The following SDK1 variants were observed in gnomAD, a reference collection of about 807,000 sequenced individuals.
SDK1 encodes the protein protein sidekick-1.
Under a neutral mutation model 245.5 loss-of-function variants are expected in SDK1, and 157 were observed. The observed-to-expected ratio is 0.64, with a 90% CI of 0.56 to 0.73. The LOEUF (loss-of-function observed/expected upper bound fraction) is 0.73, where lower values mean the gene tolerates loss of function less well. Ranked by LOEUF, SDK1 falls within the 30% of genes least tolerant of loss-of-function variation. The pLI, the probability that SDK1 is intolerant of heterozygous loss-of-function variation, is 0.00. For synonymous variants in SDK1, 1,647 were observed against 1,278.5 expected (o/e 1.29, Z -6.15); for missense variants, 3,583 against 3,002.3 (o/e 1.19, Z -4.52).
At position 4,234,764 on chromosome 7, in the gene SDK1, G is replaced by A. The variant is rs585834; in HGVS notation, c.5992+1345G>A. On this transcript the variant is annotated intron_variant, in intron 41 of 44. Transcript: ENST00000404826. ...TTCTTTACCCCGCGATGATTCTATC[G>A]TGCAGACCGGCTGCAAGCCAGGGCG... is the stretch of plus-strand genomic sequence containing the variant. Among the ~76,000 whole-genome samples the A allele has an allele frequency of 2.2e-4, 34 of 152,176 alleles. No homozygotes were observed. In the East Asian group the frequency reaches 4.9e-3, roughly 22 times the overall value.
chr7:3,874,048 A>G (rs568892999), intron 5 of SDK1, among the ~76,000 whole-genome samples: 3 of 152,192 alleles, frequency 2.0e-5, no homozygotes, highest in Non-Finnish European at 4.4e-5. Context: ...GTCATATAAT[A>G]GGACAGTAGA....
chr7:3,416,738 C>T (rs1480054678), intron 1 of SDK1, among the ~76,000 whole-genome samples: 2 of 152,256 alleles, frequency 1.3e-5, no homozygotes, highest in South Asian at 2.1e-4. Context: ...TTCTCCAGCA[C>T]ATTTACCAGA....
chr7:3,989,117 C>T (rs919425610), intron 14 of SDK1, among the ~76,000 whole-genome samples: 18 of 152,132 alleles, frequency 1.2e-4, no homozygotes, highest in African/African-American at 3.6e-4. Flanking sequence ...CTGTATTAGT[C>T]GGTTTTCACA....
chr7:3,456,718 G>C (rs572017465), intron 1 of SDK1, among the ~76,000 whole-genome samples: 39 of 152,250 alleles, frequency 2.6e-4, no homozygotes, highest in Non-Finnish European at 4.0e-4. Flanking sequence ...TCAGCTGCTA[G>C]CTTTTTCTCA....
chr7:3,356,451 G>C (rs902774477), intron 1 of SDK1, among the ~76,000 whole-genome samples: 3 of 152,098 alleles, frequency 2.0e-5, no homozygotes, highest in Non-Finnish European at 2.9e-5. Context: ...CCAAGTCTCT[G>C]TGTTATAATT....
chr7:3,445,564 C>T (rs183529577), intron 1 of SDK1, among the ~76,000 whole-genome samples: 15 of 152,142 alleles, frequency 9.9e-5, no homozygotes, highest in Non-Finnish European at 1.8e-4. Flanking sequence ...GCTCTTTGTG[C>T]TCCTCACCTG....
intron 25 of SDK1, among the ~76,000 whole-genome samples, chr7:4,121,502 T>C (rs1245579129): frequency 3.9e-5 from 6 of 152,234 alleles, no homozygotes; most frequent in Admixed American, 6.5e-5. Context: ...AGTTCCTTGC[T>C]TCCCCTTCAC....
chr7:3,997,606 C>G (rs1784776956), intron 14 of SDK1, among the ~76,000 whole-genome samples: 1 of 152,206 alleles, frequency 6.6e-6, no homozygotes, highest in Non-Finnish European at 1.5e-5. Context: ...CTCTTTACAG[C>G]TGGTCCTCCT....
chr7:4,176,398 G>T (rs1169942571), intron 34 of SDK1, among the ~76,000 whole-genome samples: 1 of 152,146 alleles, frequency 6.6e-6, no homozygotes, highest in Non-Finnish European at 1.5e-5. Context: ...TGAATGCCTG[G>T]ACTCAAACGA....
chr7:3,708,769 C>T (rs974416717), intron 4 of SDK1, among the ~76,000 whole-genome samples: 2 of 152,258 alleles, frequency 1.3e-5, no homozygotes, highest in African/African-American at 4.8e-5. Flanking sequence ...TGGGCAGGGG[C>T]ACATATCCAA....
intron 1 of SDK1, among the ~76,000 whole-genome samples, chr7:3,363,302 C>G (rs577197788): frequency 3.9e-5 from 6 of 152,106 alleles, no homozygotes; most frequent in Admixed American, 3.3e-4. Context: ...TTCAGTAATT[C>G]ATTTCTTTTT....
At chr7:3,359,860 C>T (rs1166027325) in intron 1 of SDK1, among the ~76,000 whole-genome samples, 1 of 152,132 alleles carries the variant, frequency 6.6e-6, no homozygotes, top group Non-Finnish European at 1.5e-5. Context: ...TCTTACTGTA[C>T]CTGTGACCCA....
At chr7:4,261,756 T>C (rs562752116) in intron 44 of SDK1, among the ~76,000 whole-genome samples, 1 of 152,162 alleles carries the variant, frequency 6.6e-6, no homozygotes, top group African/African-American at 2.4e-5. Flanking sequence ...TGATACCCTC[T>C]GGGGAGAGGA....
chr7:3,982,511 C>T (rs1562616139), intron 13 of SDK1, among the ~76,000 whole-genome samples: 1 of 152,130 alleles, frequency 6.6e-6, no homozygotes, highest in South Asian at 2.1e-4. Context: ...AAATGGAAAA[C>T]CTTCTGGAAA....
chr7:3,681,655 C>T (rs1332208515), intron 4 of SDK1, among the ~76,000 whole-genome samples: 3 of 152,090 alleles, frequency 2.0e-5, no homozygotes, highest in African/African-American at 7.2e-5. Flanking sequence ...CTCCAAAGAT[C>T]ATGTGCTTTT....
intron 5 of SDK1, among the ~76,000 whole-genome samples, chr7:3,912,898 G>A (rs1479898956): frequency 6.6e-6 from 1 of 152,180 alleles, no homozygotes; most frequent in Non-Finnish European, 1.5e-5. Context: ...TTTCCACTAC[G>A]ACATCTGTTC....
At chr7:3,851,783 T>A (rs1223601267) in intron 5 of SDK1, among the ~76,000 whole-genome samples, 1 of 152,168 alleles carries the variant, frequency 6.6e-6, no homozygotes, top group African/African-American at 2.4e-5. Flanking sequence ...AATTGGACAT[T>A]GAAGCTAAGC....
intron 5 of SDK1, among the ~76,000 whole-genome samples, chr7:3,877,286 T>A (rs1180404002): frequency 2.0e-5 from 3 of 152,202 alleles, no homozygotes; most frequent in Non-Finnish European, 2.9e-5. Flanking sequence ...TCCTCCACAC[T>A]TGAGGCCAAT....
At chr7:3,578,839 T>A (rs562858497) in intron 1 of SDK1, among the ~76,000 whole-genome samples, 4 of 152,036 alleles carry the variant, frequency 2.6e-5, no homozygotes, top group Non-Finnish European at 5.9e-5. Flanking sequence ...GTGCACTGAT[T>A]TCATATTGTT....
Sources: gnomAD v4.1 joint callset for allele counts (sites outside exome capture counted in the v4.1 genomes callset) on GRCh38, gnomAD v4.1.1 for gene constraint, MANE v1.5 for transcripts, NCBI Gene and HGNC (gene_info 2026-07-23, HGNC 2026-07-21) for gene names.